The following SP2 variants were observed in gnomAD, a reference collection of about 807,000 sequenced individuals.
SP2 encodes Sp2 transcription factor, also known as transcription factor Sp2.
In SP2, 9 loss-of-function variants were observed where a neutral mutation model predicts 50.1. That is an observed-to-expected ratio of 0.18 (90% CI 0.11 to 0.31). SP2 has a LOEUF of 0.31. SP2 is among the 10% of genes least tolerant of loss of function. The pLI is 1.00. For synonymous variants in SP2, 313 were observed against 326.6 expected (o/e 0.96, Z 0.45); for missense variants, 581 against 806.5 (o/e 0.72, Z 3.39).
rs190836947 is a variant in SP2, at chr17:47,928,206, G to A, written c.*382G>A. On this transcript the variant is annotated 3_prime_UTR_variant, in exon 7 of 7. Coordinates refer to ENST00000376741, the MANE Select transcript of SP2 (RefSeq NM_003110.6). ...CCGCTCCCAACACTGCCGGAGTCGC[G>A]TCATGCCATGCCCCCTCTCCTGCAC... 3.4e-5 allele frequency: 6 copies of A among 176,742 alleles called. No individual in the cohort carries two copies. Among genetic ancestry groups the A allele is most frequent in the African/African-American group, 7.3e-5 (3 of 41,188 alleles). The allele number at this position is 176,742 out of a possible 1,614,324, so 10.9% of individuals were successfully genotyped here.
chr17:47,910,211 G>C (rs2034927946), intron 1 of SP2, among the ~76,000 whole-genome samples: 1 of 152,152 alleles, frequency 6.6e-6, no homozygotes, highest in Non-Finnish European at 1.5e-5. Flanking sequence ...TAAAGCCTAA[G>C]TTTTCCAGCC....
rs1249632673 is a variant in SP2 at position 47,899,077 on chromosome 17, G to A, written c.7+2784G>A. On this transcript the variant is annotated intron_variant, in intron 1 of 6. Coordinates refer to ENST00000376741, the MANE Select transcript of SP2 (RefSeq NM_003110.6). ...CCTTGCTTTTGTTTTGGATATGCGT[G>A]CAACTCCTTGTATGACGTTGTCTAG... 2.6e-5 allele frequency: 4 copies of A among 152,158 alleles called. No individual in the cohort carries two copies. The East Asian group carries it at 5.8e-4, about 22-fold the overall frequency. 9.4% of individuals were successfully genotyped at this position (152,158 alleles called of 1,614,324 possible).
intron 1 of SP2, among the ~76,000 whole-genome samples, chr17:47,905,227 A>G (rs186299746): frequency 2.0e-4 from 30 of 152,298 alleles, no homozygotes; most frequent in Middle Eastern, 3.4e-3. Context: ...GTTCTCTAAA[A>G]CCAGCCAGGG....
At chr17:47,906,516 G>C (rs933598525) in intron 1 of SP2, among the ~76,000 whole-genome samples, 4 of 152,180 alleles carry the variant, frequency 2.6e-5, no homozygotes, top group Non-Finnish European at 5.9e-5. Context: ...TCATCTCAGG[G>C]GTCCAGAAAG....
intron 3 of SP2, among the ~76,000 whole-genome samples, chr17:47,922,008 A>G (rs955830777): frequency 6.6e-6 from 1 of 152,194 alleles, no homozygotes; most frequent in Non-Finnish European, 1.5e-5. Flanking sequence ...TTCTCTGTCT[A>G]TATATATTGA....
intron 1 of SP2, chr17:47,899,756 CAG>C (rs1288347185): frequency 1.3e-5 from 2 of 152,348 alleles, no homozygotes; most frequent in South Asian, 2.1e-4. Flanking sequence ...GCCACTGGCA[CAG>C]GGGAATACTG....
chr17:47,927,057 T>C (rs1252146128), intron 6 of SP2, among the ~76,000 whole-genome samples: 1 of 152,152 alleles, frequency 6.6e-6, no homozygotes, highest in Non-Finnish European at 1.5e-5. Flanking sequence ...AGGGGGATTT[T>C]CCTGTGATGG....
intron 1 of SP2, 82 bp from the exon 2 acceptor site, chr17:47,915,230 G>T: frequency 3.8e-5 from 37 of 963,572 alleles, no homozygotes; most frequent in Non-Finnish European, 5.1e-5. Flanking sequence ...AAAAAAAATA[G>T]AAAAAAAGAA....
At chr17:47,912,948 C>G (rs748340228) in intron 1 of SP2, among the ~76,000 whole-genome samples, 1 of 152,004 alleles carries the variant, frequency 6.6e-6, no homozygotes, top group East Asian at 1.9e-4. Flanking sequence ...CAACCTCCAC[C>G]TCCTGGGTTC....
intron 3 of SP2, among the ~76,000 whole-genome samples, chr17:47,921,202 C>T (rs1212444624): frequency 6.6e-6 from 1 of 152,146 alleles, no homozygotes; most frequent in Admixed American, 6.6e-5. Context: ...CTGTCATTGT[C>T]TTCCTCCCCC....
At chr17:47,896,378 G>C (rs1423808591) in intron 1 of SP2, 85 bp downstream of exon 1, 23 of 1,140,880 alleles carry the variant, frequency 2.0e-5, no homozygotes, top group Non-Finnish European at 2.5e-5. Context: ...AGGGAGCCGA[G>C]GCCGGGGGTT....
intron 4 of SP2, among the ~76,000 whole-genome samples, chr17:47,924,572 C>G (rs148658944): frequency 1.3e-5 from 2 of 152,348 alleles, no homozygotes; most frequent in Non-Finnish European, 2.9e-5. Context: ...TGGCAATATT[C>G]TAAAGCAAAT....
intron 2 of SP2, among the ~76,000 whole-genome samples, chr17:47,915,643 A>G (rs1034320987): frequency 6.6e-6 from 1 of 152,184 alleles, no homozygotes; most frequent in African/African-American, 2.4e-5. Flanking sequence ...AGGAAAACAG[A>G]GGCTTTCTCA....
chr17:47,927,520 A>G (rs776614817), intron 6 of SP2, among the ~76,000 whole-genome samples: 7 of 131,928 alleles, frequency 5.3e-5, no homozygotes, highest in Non-Finnish European at 9.4e-5. Context: ...CAGCAGAGTG[A>G]GACTCCATCT....
chr17:47,915,655 T>A (rs1214826682), intron 2 of SP2, among the ~76,000 whole-genome samples: 1 of 152,158 alleles, frequency 6.6e-6, no homozygotes, highest in Non-Finnish European at 1.5e-5. Context: ...GCTTTCTCAT[T>A]GTCTCGAAAG....
At chr17:47,913,788 G>A (rs1470253112) in intron 1 of SP2, among the ~76,000 whole-genome samples, 2 of 152,096 alleles carry the variant, frequency 1.3e-5, no homozygotes, top group African/African-American at 2.4e-5. Flanking sequence ...AAGAAAAAAA[G>A]TACAGTAGAA....
Position 47,927,531 on chromosome 17 carries a change from CAAA to C in SP2, c.1742-174_1742-172del, listed in dbSNP as rs61309845. On this transcript the variant is annotated intron_variant, in intron 6 of 6. Coordinates refer to ENST00000376741, the MANE Select transcript of SP2 (RefSeq NM_003110.6). ...TGGCCAGCAGAGTGAGACTCCATCT[CAAA>C]AAAAAAAAAAAAAAAAAAGATATAG... Among the ~76,000 whole-genome samples the C allele has an allele frequency of 2.9e-3, 240 of 83,926 alleles. 1 individual carries two copies. The highest frequency in any genetic ancestry group is 8.1e-3 in the African/African-American group (179 of 22,034). 55.1% of individuals were successfully genotyped at this position (83,926 alleles called of 152,430 possible).
At chr17:47,924,592 A>G (rs572668819) in intron 4 of SP2, among the ~76,000 whole-genome samples, 1 of 152,360 alleles carries the variant, frequency 6.6e-6, no homozygotes, top group South Asian at 2.1e-4. Flanking sequence ...TTCTGCCTAC[A>G]TAGTACAGTG....
Position 47,927,921 on chromosome 17 carries a change from C to T in SP2, c.*97C>T. Reference sequence around the variant, plus strand: ...GAGCCCTGTGGCTGCCTTGGGCCTGCCCTCAGCCCCACTCCTGTTCTGCAA... The same window carrying T: ...GAGCCCTGTGGCTGCCTTGGGCCTGTCCTCAGCCCCACTCCTGTTCTGCAA... On this transcript the variant is annotated 3_prime_UTR_variant, in exon 7 of 7. Transcript: ENST00000376741. The T allele has an allele frequency of 1.4e-6, 1 of 729,994 alleles. No individual in the cohort carries two copies. The highest frequency in any genetic ancestry group is 2.4e-6 in the Non-Finnish European group (1 of 409,818). 45.2% of individuals were successfully genotyped at this position (729,994 alleles called of 1,614,324 possible).
Sources: allele counts gnomAD v4.1 joint callset (sites outside exome capture counted in the v4.1 genomes callset), GRCh38; gene constraint gnomAD v4.1.1; transcripts MANE v1.5; gene names NCBI Gene and HGNC (gene_info 2026-07-23, HGNC 2026-07-21).